LARGE1: variants seen among roughly 807,000 people sequenced by gnomAD.
LARGE1 encodes the protein LARGE xylosyl- and glucuronyltransferase 1, also known as xylosyl- and glucuronyltransferase LARGE1.
LARGE1 carries 43 observed loss-of-function variants against 87.6 expected under a neutral mutation model. The observed-to-expected ratio is 0.49, with a 90% CI of 0.38 to 0.63. The LOEUF is 0.63. Among genes scored for constraint, LARGE1 ranks in the 30% least tolerant of loss-of-function variants. The probability of loss-of-function intolerance (pLI) is 0.00; values close to 1 mark genes in which losing one functional copy is unlikely to be tolerated. For missense variants in LARGE1, 802 were observed against 1,000.2 expected (o/e 0.80, Z 2.67); for synonymous variants, 434 against 394.6 (o/e 1.10, Z -1.18).
intron 7 of LARGE1, among the ~76,000 whole-genome samples, chr22:33,401,220 T>C (rs1051331587): frequency 2.0e-5 from 3 of 152,158 alleles, no homozygotes; most frequent in Admixed American, 2.0e-4. Context: ...GTTGATTGTG[T>C]CCTCCTCCAA....
intron 11 of LARGE1, among the ~76,000 whole-genome samples, chr22:33,251,743 C>T (rs558124414): frequency 1.3e-5 from 2 of 152,294 alleles, no homozygotes; most frequent in South Asian, 4.1e-4. Context: ...CACAGCTGTC[C>T]AACTTTGGTG....
At chr22:33,621,456 T>TGAC (rs72568055) in intron 4 of LARGE1, among the ~76,000 whole-genome samples, 3 of 151,708 alleles carry the variant, frequency 2.0e-5, no homozygotes, top group Non-Finnish European at 2.9e-5. Context: ...ACTGATTTGA[T>TGAC]GTAATGAAGC....
At chr22:33,663,609 C>A (rs931753532) in intron 2 of LARGE1, among the ~76,000 whole-genome samples, 1 of 152,182 alleles carries the variant, frequency 6.6e-6, no homozygotes, top group East Asian at 1.9e-4. Flanking sequence ...ACCTGAGGGA[C>A]TGATCTCAGA....
chr22:33,075,612 A>C, the LARGE1 span, among the ~76,000 whole-genome samples: 45,785 of 152,124 alleles, frequency 0.3, 7,438 homozygotes, highest in Admixed American at 0.38. Context: ...GTAGAACCTG[A>C]ATAATTGTTG....
chr22:33,217,144 A>G (rs1446091619), intron 11 of LARGE1, among the ~76,000 whole-genome samples: 2 of 152,132 alleles, frequency 1.3e-5, no homozygotes, highest in Admixed American at 1.3e-4. Context: ...CAATATTCAT[A>G]GCATCATACA....
downstream of LARGE1, among the ~76,000 whole-genome samples, chr22:33,269,406 G>A (rs773189027): frequency 3.5e-4 from 54 of 152,202 alleles, no homozygotes; most frequent in Admixed American, 2.6e-4. Context: ...AAAGTAGACT[G>A]TACCTGGTTC....
At chr22:33,379,616 T>G (rs181398589) in intron 9 of LARGE1, among the ~76,000 whole-genome samples, 2 of 152,278 alleles carry the variant, frequency 1.3e-5, no homozygotes, top group East Asian at 3.9e-4. Flanking sequence ...TGGAACACTA[T>G]GCAGCCATAA....
At chr22:33,432,674 C>T (rs192548265) in intron 6 of LARGE1, among the ~76,000 whole-genome samples, 1 of 152,152 alleles carries the variant, frequency 6.6e-6, no homozygotes, top group African/African-American at 2.4e-5. Context: ...TCAAGCATTC[C>T]CATTCTGGTA....
At chr22:33,376,018 A>G (rs760595943) in intron 9 of LARGE1, among the ~76,000 whole-genome samples, 1 of 152,212 alleles carries the variant, frequency 6.6e-6, no homozygotes, top group Non-Finnish European at 1.5e-5. Flanking sequence ...GTCTTACTCT[A>G]TTTTTGGAAA....
At chr22:33,731,299 A>G (rs1159408446) in intron 2 of LARGE1, among the ~76,000 whole-genome samples, 1 of 152,138 alleles carries the variant, frequency 6.6e-6, no homozygotes, top group Non-Finnish European at 1.5e-5. Context: ...CACCGCACCC[A>G]GCCCGGCCTG....
intron 2 of LARGE1, among the ~76,000 whole-genome samples, chr22:33,752,501 T>C (rs1312537889): frequency 6.6e-6 from 1 of 152,186 alleles, no homozygotes; most frequent in Admixed American, 6.5e-5. Context: ...AGTTACTGAT[T>C]AAACACCTAT....
intron 2 of LARGE1, among the ~76,000 whole-genome samples, chr22:33,712,463 G>A (rs941160953): frequency 3.9e-5 from 6 of 152,164 alleles, no homozygotes; most frequent in African/African-American, 1.4e-4. Flanking sequence ...TGGCTATGAG[G>A]TGGGTCCAGC....
At chr22:33,076,358 A>T in the LARGE1 span, among the ~76,000 whole-genome samples, 2 of 152,136 alleles carry the variant, frequency 1.3e-5, no homozygotes, top group African/African-American at 4.8e-5. Flanking sequence ...TTATAAGTAG[A>T]TTAGTTCTAG....
Position 33,630,903 on chromosome 22 carries a change from A to T in LARGE1, c.409-4577T>A, listed in dbSNP as rs540901612. Among the ~76,000 whole-genome samples, 331 of 151,020 alleles carry T rather than the reference A, an allele frequency of 2.2e-3. 1 individual carries two copies. Among genetic ancestry groups the T allele is most frequent in the Non-Finnish European group, 3.4e-3 (233 of 67,802 alleles). On this transcript the variant is annotated intron_variant, in intron 3 of 14. Transcript: ENST00000397394. ...AGTCTCACTCTGTTGCCCAGGATGG[A>T]GTGCAGTGATGTGATCTCGGCTTAC...
chr22:33,394,478 G>A (rs934432786), intron 7 of LARGE1, among the ~76,000 whole-genome samples: 2 of 152,142 alleles, frequency 1.3e-5, no homozygotes, highest in South Asian at 2.1e-4. Context: ...GATTACAGGT[G>A]TGACCCACTG....
the LARGE1 span, among the ~76,000 whole-genome samples, chr22:33,139,903 C>A: frequency 1.3e-5 from 2 of 152,216 alleles, no homozygotes; most frequent in Non-Finnish European, 2.9e-5. Flanking sequence ...TGGGCCATTT[C>A]TTCAGAGCTA....
the LARGE1 span, among the ~76,000 whole-genome samples, chr22:33,097,937 T>C: frequency 6.6e-6 from 1 of 152,220 alleles, no homozygotes. Context: ...CCTTGGAATG[T>C]CCATTTTTCT....
intron 5 of LARGE1, among the ~76,000 whole-genome samples, chr22:33,581,241 A>T (rs1363745522): frequency 6.6e-6 from 1 of 152,152 alleles, no homozygotes; most frequent in South Asian, 2.1e-4. Context: ...TCACTGTCAT[A>T]ATGTGGAGGG....
At chr22:33,412,328 A>G (rs2066334180) in intron 7 of LARGE1, among the ~76,000 whole-genome samples, 1 of 151,738 alleles carries the variant, frequency 6.6e-6, no homozygotes, top group South Asian at 2.1e-4. Flanking sequence ...ATATTTCAGC[A>G]ATGCTGGTAA....
Sources: allele counts gnomAD v4.1 joint callset (sites outside exome capture counted in the v4.1 genomes callset), GRCh38; gene constraint gnomAD v4.1.1; transcripts MANE v1.5; gene names NCBI Gene and HGNC (gene_info 2026-07-23, HGNC 2026-07-21).